The following BANP variants were observed in gnomAD, a reference collection of about 807,000 sequenced individuals.
The protein encoded by BANP is protein BANP.
Under a neutral mutation model 68.1 loss-of-function variants are expected in BANP, and 11 were observed. That is an observed-to-expected ratio of 0.16 (90% CI 0.10 to 0.27). The LOEUF (loss-of-function observed/expected upper bound fraction) is 0.27. Ranked by LOEUF, BANP falls within the 10% of genes least tolerant of loss-of-function variation. The pLI is 1.00. For synonymous variants in BANP, 329 were observed against 303.2 expected (o/e 1.09, Z -0.88); for missense variants, 504 against 722.7 (o/e 0.70, Z 3.47).
chr16:87,953,718 C>T (rs1030131568), intron 1 of BANP, among the ~76,000 whole-genome samples: 9 of 152,176 alleles, frequency 5.9e-5, no homozygotes, highest in Non-Finnish European at 1.0e-4. Context: ...CTGTTCCCAT[C>T]GACTCCTTAC....
intron 11 of BANP, among the ~76,000 whole-genome samples, chr16:88,055,770 C>T (rs1232083803): frequency 6.6e-6 from 1 of 152,108 alleles, no homozygotes; most frequent in Admixed American, 6.5e-5. Flanking sequence ...GACACACACC[C>T]TATGTCACTT....
Position 88,061,950 on chromosome 16 carries a change from C to G in BANP, c.1312-3317C>G, listed in dbSNP as rs149492548. Among the ~76,000 whole-genome samples the G allele has an allele frequency of 5.9e-3, 904 of 152,292 alleles. 8 individuals carry two copies. Among genetic ancestry groups the G allele is most frequent in the African/African-American group, 0.02 (833 of 41,542 alleles). The stretch of plus-strand genomic sequence containing the variant: ...CTAGGACTGCAGGCATGAGCCACCA[C>G]GCCCAGCCTGAGCACCTCATTTTTC... On this transcript the variant is annotated intron_variant, in intron 11 of 13. Transcript: ENST00000682872.
intron 1 of BANP, among the ~76,000 whole-genome samples, chr16:87,973,550 C>G (rs573971743): frequency 2.0e-5 from 3 of 152,036 alleles, no homozygotes; most frequent in African/African-American, 7.2e-5. Flanking sequence ...CACCTGAGGT[C>G]GGGAGTTCAA....
At chr16:88,054,697 G>A (rs2084529022) in intron 11 of BANP, among the ~76,000 whole-genome samples, 1 of 152,212 alleles carries the variant, frequency 6.6e-6, no homozygotes, top group Non-Finnish European at 1.5e-5. Context: ...TTCCTGTCGA[G>A]ACTGAAATGA....
chr16:88,072,854 G>A (rs994098557), intron 13 of BANP, among the ~76,000 whole-genome samples: 4 of 152,212 alleles, frequency 2.6e-5, no homozygotes, highest in Admixed American at 6.5e-5. Context: ...CGCAGCCTCC[G>A]TGCCACCTGC....
intron 11 of BANP, among the ~76,000 whole-genome samples, chr16:88,062,126 G>C: frequency 6.6e-6 from 1 of 152,206 alleles, no homozygotes; most frequent in East Asian, 1.9e-4. Context: ...CTGTGGATTA[G>C]TGGTTTCATC....
chr16:88,047,222 G>A (rs1046421936), intron 11 of BANP, among the ~76,000 whole-genome samples: 3 of 152,252 alleles, frequency 2.0e-5, no homozygotes, highest in East Asian at 1.9e-4. Context: ...GGCTTGATGC[G>A]GGTCACGTAA....
intron 6 of BANP, among the ~76,000 whole-genome samples, chr16:88,009,624 C>G (rs1280818531): frequency 6.6e-6 from 1 of 152,078 alleles, no homozygotes; most frequent in Non-Finnish European, 1.5e-5. Context: ...GAACAGTAGA[C>G]TGTGTCTCAT....
intron 1 of BANP, among the ~76,000 whole-genome samples, chr16:87,972,412 C>T (rs2061290253): frequency 6.6e-6 from 1 of 151,400 alleles, no homozygotes; most frequent in Non-Finnish European, 1.5e-5. Context: ...TTTGAATTAT[C>T]AGGGTATAGT....
At chr16:88,038,931 C>T (rs1395054983) in intron 11 of BANP, among the ~76,000 whole-genome samples, 1 of 152,218 alleles carries the variant, frequency 6.6e-6, no homozygotes, top group African/African-American at 2.4e-5. Context: ...TTTTTCAAAA[C>T]CACAGTGCAC....
intron 11 of BANP, among the ~76,000 whole-genome samples, 195 bp from the exon 12 acceptor site, chr16:88,065,072 G>C (rs2088132187): frequency 6.6e-6 from 1 of 152,194 alleles, no homozygotes; most frequent in South Asian, 2.1e-4. Flanking sequence ...TTGCTGTTTG[G>C]GAATTTGATG....
At chr16:87,996,288 C>T (rs750985909) in intron 4 of BANP, among the ~76,000 whole-genome samples, 1 of 152,218 alleles carries the variant, frequency 6.6e-6, no homozygotes. Context: ...GCTGCCTGTG[C>T]CACTTAGTTG....
intron 13 of BANP, among the ~76,000 whole-genome samples, chr16:88,073,459 C>T (rs769257489): frequency 6.6e-6 from 1 of 152,226 alleles, no homozygotes; most frequent in East Asian, 1.9e-4. Flanking sequence ...CTGTACTCTG[C>T]GTGGTGTTTG....
intron 1 of BANP, among the ~76,000 whole-genome samples, chr16:87,959,362 G>A (rs2144814234): frequency 1.3e-5 from 2 of 152,388 alleles, no homozygotes; most frequent in South Asian, 4.1e-4. Flanking sequence ...AGCTGGGCTG[G>A]GTTGTGGGCC....
At chr16:88,039,732 C>T (rs2080278204) in intron 11 of BANP, among the ~76,000 whole-genome samples, 1 of 142,840 alleles carries the variant, frequency 7.0e-6, no homozygotes, top group African/African-American at 2.4e-5. Context: ...GATCTGAGTT[C>T]AGGAAGGACT....
intron 6 of BANP, among the ~76,000 whole-genome samples, chr16:88,012,010 C>T (rs1385171862): frequency 2.0e-5 from 3 of 152,214 alleles, no homozygotes; most frequent in Non-Finnish European, 4.4e-5. Flanking sequence ...TGTCCCTAGT[C>T]CCCAGGATCC....
In BANP at chr16:87,978,128, A is replaced by T. The variant is rs2062547790; in HGVS notation, c.71-2908A>T. ...TGGGATTATAGGCGTGAGCCACCGC[A>T]TCCAGCCTGATTGTGATATCTTTAA... On this transcript the variant is annotated intron_variant, in intron 2 of 13. Coordinates refer to ENST00000682872, the MANE Select transcript of BANP (RefSeq NM_001386991.1). 2.0e-5 allele frequency among the ~76,000 whole-genome samples: 3 copies of T among 152,208 alleles called. No homozygotes were observed. In the South Asian group the frequency reaches 6.2e-4, roughly 31 times the overall value.
intron 1 of BANP, among the ~76,000 whole-genome samples, chr16:87,954,404 C>T (rs1404643869): frequency 2.6e-5 from 4 of 152,220 alleles, no homozygotes; most frequent in Admixed American, 6.5e-5. Flanking sequence ...AAAGTGTTGG[C>T]TTCTTCCTCT....
chr16:88,062,813 C>T (rs1198240593), intron 11 of BANP, among the ~76,000 whole-genome samples: 5 of 152,190 alleles, frequency 3.3e-5, no homozygotes, highest in African/African-American at 4.8e-5. Context: ...AGTCGGAATT[C>T]GGCCCAGCCT....
Sources: gnomAD v4.1 joint callset for allele counts (sites outside exome capture counted in the v4.1 genomes callset) on GRCh38, gnomAD v4.1.1 for gene constraint, MANE v1.5 for transcripts, NCBI Gene and HGNC (gene_info 2026-07-23, HGNC 2026-07-21) for gene names.